RASSF7: variants seen among roughly 807,000 people sequenced by gnomAD.
The protein encoded by RASSF7 is Ras association domain family member 7.
In RASSF7, 41 loss-of-function variants were observed where a neutral mutation model predicts 33.8. That is an observed-to-expected ratio of 1.21 (90% CI 0.95 to 1.57). The LOEUF is 1.57. RASSF7 is among the 40% of genes most tolerant of loss of function. The pLI is 0.00. For missense variants in RASSF7, 622 were observed against 497.0 expected, an observed-to-expected ratio of 1.25 and a Z score of -2.39; for synonymous variants, 298 against 212.8, an observed-to-expected ratio of 1.40 and a Z score of -3.48.
rs1273382500 is a variant in RASSF7, at chr11:563,222, G to A, written c.856G>A (p.Glu286Lys). The A allele has an allele frequency of 3.1e-6, 5 of 1,598,644 alleles. No homozygotes were observed. The highest frequency in any genetic ancestry group is 1.3e-5 in the African/African-American group (1 of 74,792). ...TCAGGAGCTGGAGGAGCTGAACCGA[G>A]AGCTCCGTCAGTGCAACCTGCAGCA... ...QAQELEELNR[E>K]LRQCNLQQFI... The change falls in exon 4 of 6, where the codon GAG (glutamate) becomes AAG (lysine). Residue 286 changes from glutamate (E) to lysine (K), a missense_variant. Physicochemically the swap from Glu to Lys is moderately conservative, Grantham distance 56 (BLOSUM62 1). Coordinates refer to ENST00000397583, the MANE Select transcript of RASSF7 (RefSeq NM_003475.4).
At position 562,928 on chromosome 11, in the gene RASSF7, A is replaced by G. The variant is rs1387892951; in HGVS notation, c.822+152A>G. 5.2e-6 allele frequency: 4 copies of G among 769,300 alleles called. No homozygotes were observed. The African/African-American group carries it at 5.4e-5, about 10-fold the overall frequency. 47.7% of individuals were successfully genotyped at this position (769,300 alleles called of 1,614,324 possible). ...TGACGTGGGCAGATATGGGGGTCAC[A>G]GGGTCTGACTCGGGAGGCAGGTGAG... On this transcript the variant is annotated intron_variant, in intron 3 of 5. Coordinates refer to ENST00000397583, the MANE Select transcript of RASSF7 (RefSeq NM_003475.4).
rs1333387865 is a variant in RASSF7 at position 563,264 on chromosome 11, G to A, written c.898G>A (p.Gly300Arg). ...CNLQQFIQQT[G>R]AALPPPPRPD... ...CCTGCAGCAGTTCATCCAGCAGACC[G>A]GGGCTGCGCTGCCACCGCCCCCACG... Residue 300 changes from glycine to arginine, a missense_variant, in exon 4 of 6, where the codon GGG (glycine) becomes AGG (arginine). Gly to Arg is a moderately radical substitution (Grantham distance 125, BLOSUM62 -2). Transcript: ENST00000397583. 4.3e-6 allele frequency: 7 copies of A among 1,611,252 alleles called. No homozygotes were observed. The Admixed American group carries it at 5.0e-5, about 12-fold the overall frequency.
At position 562,425 on chromosome 11, in the gene RASSF7, C is replaced by T; in HGVS notation, c.471C>T (p.Gly157=). ...PTPGCCTDLR[G]LELRVQRNAE... is the part of the protein sequence containing the mutation. ...CAGGCTGCTGCACAGACCTGCGGGG[C>T]CTGGAGCTCAGGGTGCAGAGGAATG... is the stretch of plus-strand genomic sequence containing the variant. Residue 157 remains glycine (G), a synonymous_variant, in exon 3 of 6, where the codon GGC becomes GGT. Coordinates refer to ENST00000397583, the MANE Select transcript of RASSF7 (RefSeq NM_003475.4). The T allele has an allele frequency of 6.4e-7, 1 of 1,555,184 alleles. No individual in the cohort carries two copies.
chr11:561,992 C>T, intron 2 of RASSF7, 87 bp from the exon 3 acceptor site: 1 of 1,550,846 alleles, frequency 6.4e-7, no homozygotes, highest in South Asian at 1.2e-5. Flanking sequence ...GGGCTGGTTG[C>T]TGATCCTTTT....
chr11:563,057 C>T (rs1222735089), intron 3 of RASSF7, 132 bp from the exon 4 acceptor site: 4 of 912,382 alleles, frequency 4.4e-6, no homozygotes, highest in African/African-American at 3.4e-5. Context: ...ACCTGATCCC[C>T]TGTCACTCCC....
rs1186192256 is a variant in RASSF7, at chr11:563,422, G to C, written c.978G>C (p.Glu326Asp). 6 of 1,612,024 alleles carry C rather than the reference G, an allele frequency of 3.7e-6. No individual in the cohort carries two copies. The highest frequency in any genetic ancestry group is 4.2e-6 in the Non-Finnish European group (5 of 1,179,568). ...GCCCTCTGCCTCCAGCCAGAGAGGA[G>C]TCCCTCCTGGGCGCTCCCTCTGAGT... is the stretch of plus-strand genomic sequence containing the variant. ...TQGPLPPARE[E>D]SLLGAPSESH... is the part of the protein sequence containing the mutation. Residue 326 changes from glutamate to aspartate, a missense_variant, in exon 5 of 6, where the codon GAG (glutamate) becomes GAC (aspartate). Transcript: ENST00000397583.
chr11:563,596 C>T lies in RASSF7; in HGVS notation c.1073C>T (p.Ala358Val), dbSNP rs779213586. The change falls in exon 6 of 6, where the codon GCT (alanine) becomes GTT (valine). Residue 358 changes from alanine to valine, a missense_variant. Ala to Val is a moderately conservative substitution (Grantham distance 64). Coordinates refer to ENST00000397583, the MANE Select transcript of RASSF7 (RefSeq NM_003475.4). ...GCAGAACTCCTGGAGGTAGCAGCAG[C>T]TCCTGCCCCAGAGTGGTGTCCTCTG... ...HDAELLEVAA[A>V]PAPEWCPLAA... 13 of 1,611,980 alleles carry T rather than the reference C, an allele frequency of 8.1e-6. No individual in the cohort carries two copies. The highest frequency in any genetic ancestry group is 5.3e-5 in the African/African-American group (4 of 74,932).
In RASSF7 at chr11:563,406, C is replaced by T. The variant is rs2134123996; in HGVS notation, c.962C>T (p.Pro321Leu). The change falls in exon 5 of 6, where the codon CCT becomes CTT. Residue 321 changes from proline (P) to leucine (L), a missense_variant. Physicochemically the swap from Pro to Leu is moderately conservative, Grantham distance 98. Transcript: ENST00000397583. ...RGPPGTQGPL[P>L]PAREESLLGA... ...CTTCCCAACCCACAGGGCCCTCTGC[C>T]TCCAGCCAGAGAGGAGTCCCTCCTG... 6.2e-7 allele frequency: 1 copy of T among 1,611,896 alleles called. No individual in the cohort carries two copies. The highest frequency in any genetic ancestry group is 8.5e-7 in the Non-Finnish European group (1 of 1,179,470).
chr11:562,257 A>AC lies in RASSF7; in HGVS notation c.308dup (p.Glu104GlyfsTer20), dbSNP rs1853362549. 1 of 1,612,658 alleles carries AC rather than the reference A, an allele frequency of 6.2e-7. No homozygotes were observed. Among genetic ancestry groups the AC allele is most frequent in the South Asian group, 1.1e-5 (1 of 91,058 alleles). ...GGAGGCCCTCCTCAGACAGCTGTCC[A>AC]CCCCCGGAACGCTGCCTAATTCGTG... On this transcript the variant is annotated frameshift_variant, in exon 3 of 6. Coordinates refer to ENST00000397583, the MANE Select transcript of RASSF7 (RefSeq NM_003475.4). LOFTEE classifies it high-confidence loss of function.
chr11:561,842 C>T lies in RASSF7; in HGVS notation c.74C>T (p.Ser25Leu), dbSNP rs1760835498. 5 of 1,613,398 alleles carry T rather than the reference C, an allele frequency of 3.1e-6. No individual in the cohort carries two copies. The highest frequency in any genetic ancestry group is 4.2e-6 in the Non-Finnish European group (5 of 1,179,996). Residue 25 changes from serine (S) to leucine (L), a missense_variant, in exon 2 of 6, where the codon TCA (serine) becomes TTA (leucine). Ser to Leu is a moderately radical substitution (Grantham distance 145, BLOSUM62 -2). Coordinates refer to ENST00000397583, the MANE Select transcript of RASSF7 (RefSeq NM_003475.4). ...DGIQRVVCGV[S>L]EQTTCQEVVI... is the part of the protein sequence containing the mutation. ...ATCCAGCGTGTGGTCTGTGGGGTCT[C>T]AGAGCAGACCACCTGCCAGGAAGTG...
chr11:561,648 C>A, intron 1 of RASSF7, 114 bp from the exon 2 acceptor site: 1 of 1,494,178 alleles, frequency 6.7e-7, no homozygotes, highest in Non-Finnish European at 9.0e-7. Flanking sequence ...GGGGCCCGTG[C>A]GGAGGGGCGG....
At chr11:562,011 C>T (rs778005837) in intron 2 of RASSF7, 68 bp from the exon 3 acceptor site, 8 of 1,524,274 alleles carry the variant, frequency 5.2e-6, no homozygotes, top group African/African-American at 1.4e-5. Context: ...TTTGTTCTTC[C>T]CAACTCTTCA....
In RASSF7 at chr11:562,672, C is replaced by T. The variant is rs563156311; in HGVS notation, c.718C>T (p.Arg240Cys). 7.4e-5 allele frequency: 114 copies of T among 1,543,772 alleles called. No individual in the cohort carries two copies. The South Asian group carries it at 7.9e-4, about 11-fold the overall frequency. The change falls in exon 3 of 6, where the codon CGC becomes TGC. Residue 240 changes from arginine (R) to cysteine (C), a missense_variant. Physicochemically the swap from Arg to Cys is radical, Grantham distance 180. Coordinates refer to ENST00000397583, the MANE Select transcript of RASSF7 (RefSeq NM_003475.4). ...CTCACCTATGGCATCTGCCACTGAG[C>T]GCCTGCACCAGGACCTGGCTGTTCA... ...PPSPMASATE[R>C]LHQDLAVQER...
chr11:562,784 C>G lies in RASSF7; in HGVS notation c.822+8C>G. ...GCAGAGCGAGCCTTGCAGGTGAGCC[C>G]GGGGACCTGATCCCCTGTCACTCCC... On this transcript the variant is annotated splice_region_variant and intron_variant, in intron 3 of 5. Transcript: ENST00000397583. 2 of 1,469,180 alleles carry G rather than the reference C, an allele frequency of 1.4e-6. No individual in the cohort carries two copies. The highest frequency in any genetic ancestry group is 1.8e-6 in the Non-Finnish European group (2 of 1,113,438). 91.0% of individuals were successfully genotyped at this position (1,469,180 alleles called of 1,614,324 possible). A position where few individuals can be genotyped will look rare whatever the true frequency, so the allele number is the denominator to read the frequency against.
At position 562,731 on chromosome 11, in the gene RASSF7, G is replaced by C; in HGVS notation, c.777G>C (p.Leu259=). The C allele has an allele frequency of 2.6e-6, 4 of 1,534,392 alleles. No homozygotes were observed. Among genetic ancestry groups the C allele is most frequent in the Non-Finnish European group, 3.5e-6 (4 of 1,143,720 alleles). ...ERQSAEVQGS[L]ALVSRALEAA... Reference sequence around the variant, plus strand: ...AGAGTGCGGAGGTGCAGGGCAGCCTGGCTCTGGTGAGCCGGGCCCTGGAGG... The same window carrying C: ...AGAGTGCGGAGGTGCAGGGCAGCCTCGCTCTGGTGAGCCGGGCCCTGGAGG... The change falls in exon 3 of 6, where the codon CTG becomes CTC. Residue 259 remains leucine (L), a synonymous_variant. Coordinates refer to ENST00000397583, the MANE Select transcript of RASSF7 (RefSeq NM_003475.4).
intron 3 of RASSF7, among the ~76,000 whole-genome samples, chr11:562,980 C>T (rs1853410789): frequency 1.3e-5 from 2 of 151,148 alleles, no homozygotes; most frequent in Non-Finnish European, 2.9e-5. Context: ...CCTGTCACTC[C>T]CCCACCCCTG....
At position 562,158 on chromosome 11, in the gene RASSF7, C is replaced by T. The variant is rs781124267; in HGVS notation, c.204C>T (p.Gly68=). The part of the protein sequence containing the change: ...RQLLPQECPV[G]AQATCGQFAS... ...TGCTGCCACAAGAGTGTCCAGTGGG[C>T]GCCCAGGCCACCTGCGGACAGTTTG... The change falls in exon 3 of 6, where the codon GGC becomes GGT. Residue 68 remains glycine, a synonymous_variant. Coordinates refer to ENST00000397583, the MANE Select transcript of RASSF7 (RefSeq NM_003475.4). The T allele has an allele frequency of 1.1e-5, 17 of 1,564,156 alleles. No homozygotes were observed. The highest frequency in any genetic ancestry group is 4.1e-5 in the African/African-American group (3 of 73,648).
intron 1 of RASSF7, 46 bp downstream of exon 1, chr11:561,523 T>G: frequency 1.4e-6 from 2 of 1,407,674 alleles, no homozygotes; most frequent in Non-Finnish European, 1.9e-6. Context: ...ATTCGCCTTG[T>G]TCCGGGAGTG....
Position 561,793 on chromosome 11 carries a change from G to A in RASSF7, c.25G>A (p.Glu9Lys). 2 of 1,613,398 alleles carry A rather than the reference G, an allele frequency of 1.2e-6. No individual in the cohort carries two copies. Among genetic ancestry groups the A allele is most frequent in the Non-Finnish European group, 1.7e-6 (2 of 1,180,020 alleles). ...CATGTTGTTGGGACTGGCGGCCATGGAGCTGAAGGTGTGGGTGGATGGCAT... is the reference window on the plus strand; with the variant it reads ...CATGTTGTTGGGACTGGCGGCCATGAAGCTGAAGGTGTGGGTGGATGGCAT... MLLGLAAM[E>K]LKVWVDGIQR... Residue 9 changes from glutamate to lysine, a missense_variant, in exon 2 of 6, where the codon GAG becomes AAG. Coordinates refer to ENST00000397583, the MANE Select transcript of RASSF7 (RefSeq NM_003475.4).
Sources: gnomAD v4.1 joint callset for allele counts (sites outside exome capture counted in the v4.1 genomes callset) on GRCh38, gnomAD v4.1.1 for gene constraint, MANE v1.5 for transcripts, NCBI Gene and HGNC (gene_info 2026-07-23, HGNC 2026-07-21) for gene names.